OLFM2: variants seen among roughly 807,000 people sequenced by gnomAD.
The protein encoded by OLFM2 is olfactomedin 2.
OLFM2 carries 20 observed loss-of-function variants against 43.9 expected under a neutral mutation model. The observed-to-expected ratio is 0.46, with a 90% CI of 0.32 to 0.66. OLFM2 has a LOEUF of 0.66. Among genes scored for constraint, OLFM2 ranks in the 30% least tolerant of loss-of-function variants. The probability of loss-of-function intolerance (pLI) is 0.04; values close to 1 mark genes in which losing one functional copy is unlikely to be tolerated. For missense variants in OLFM2, 416 were observed against 643.6 expected (o/e 0.65, Z 3.83); for synonymous variants, 268 against 278.6 (o/e 0.96, Z 0.38).
At chr19:9,876,740 C>T (rs2046491958) in intron 1 of OLFM2, among the ~76,000 whole-genome samples, 1 of 152,122 alleles carries the variant, frequency 6.6e-6, no homozygotes, top group Admixed American at 6.6e-5. Flanking sequence ...TGCCTCCGTT[C>T]CCCCAGTTAG....
chr19:9,918,406 G>T (rs1381985401), intron 1 of OLFM2, among the ~76,000 whole-genome samples: 1 of 151,824 alleles, frequency 6.6e-6, no homozygotes, highest in Non-Finnish European at 1.5e-5. Context: ...TGCCCGGGCT[G>T]GTCTCAAACT....
Position 9,860,777 on chromosome 19 carries a change from T to C in OLFM2, c.81A>G (p.Pro27=), listed in dbSNP as rs1268533292. The change falls in exon 2 of 6, where the codon CCA becomes CCG. Residue 27 remains proline (P), a synonymous_variant. Coordinates refer to ENST00000264833, the MANE Select transcript of OLFM2 (RefSeq NM_058164.4). ...GLAGQTLFQN[P]EEGWQLYTSA... ...AGGTGTACAGCTGCCAGCCCTCTTCTGGGTTCTGGAAGAGAGTCTGCAAAG... is the reference window on the plus strand; with the variant it reads ...AGGTGTACAGCTGCCAGCCCTCTTCCGGGTTCTGGAAGAGAGTCTGCAAAG... The C allele has an allele frequency of 1.2e-6, 2 of 1,608,296 alleles. No individual in the cohort carries two copies. Among genetic ancestry groups the C allele is most frequent in the Admixed American group, 1.7e-5 (1 of 59,426 alleles).
intron 5 of OLFM2, among the ~76,000 whole-genome samples, chr19:9,855,764 G>A (rs2145428308): frequency 6.6e-6 from 1 of 151,604 alleles, no homozygotes; most frequent in East Asian, 2.0e-4. Context: ...TCAAACTCCT[G>A]AGCTCAAGTG....
At position 9,920,908 on chromosome 19, in the gene OLFM2, A is replaced by G. The variant is rs554424340; in HGVS notation, c.63+15396T>C. ...GGCAACAGAGTGAGACTCCATCTTG[A>G]AAAAAAAAAAAGTTTATTTCCCTTG... On this transcript the variant is annotated intron_variant, in intron 1 of 5. Coordinates refer to ENST00000264833, the MANE Select transcript of OLFM2 (RefSeq NM_058164.4). 1.2e-3 allele frequency among the ~76,000 whole-genome samples: 157 copies of G among 125,932 alleles called. 1 individual carries two copies. The highest frequency in any genetic ancestry group is 1.8e-3 in the Non-Finnish European group (117 of 64,372). 82.6% of individuals were successfully genotyped at this position (125,932 alleles called of 152,430 possible). A position where few individuals can be genotyped will look rare whatever the true frequency, so the allele number is the denominator to read the frequency against.
At chr19:9,892,636 AG>A (rs2046649013) in intron 1 of OLFM2, among the ~76,000 whole-genome samples, 1 of 152,074 alleles carries the variant, frequency 6.6e-6, no homozygotes, top group African/African-American at 2.4e-5. Flanking sequence ...ACTTGAGCCC[AG>A]GAGGCAGATG....
At chr19:9,897,476 C>T (rs950692283) in intron 1 of OLFM2, among the ~76,000 whole-genome samples, 11 of 151,872 alleles carry the variant, frequency 7.2e-5, no homozygotes, top group Non-Finnish European at 1.3e-4. Context: ...CCAGCCTGGA[C>T]GACAGAATGA....
At chr19:9,870,379 C>T (rs560688542) in intron 1 of OLFM2, among the ~76,000 whole-genome samples, 1 of 152,126 alleles carries the variant, frequency 6.6e-6, no homozygotes, top group Admixed American at 6.5e-5. Context: ...GAAAGTCCAA[C>T]GAGGGAGAGA....
chr19:9,916,013 T>C (rs2046873768), intron 1 of OLFM2, among the ~76,000 whole-genome samples: 1 of 152,190 alleles, frequency 6.6e-6, no homozygotes, highest in African/African-American at 2.4e-5. Context: ...TAAAATACTT[T>C]ACAAGTGTCT....
At chr19:9,864,840 A>G (rs1233729559) in intron 1 of OLFM2, among the ~76,000 whole-genome samples, 4 of 121,246 alleles carry the variant, frequency 3.3e-5, no homozygotes, top group African/African-American at 1.3e-4. Flanking sequence ...TTTGCTGCCC[A>G]GGCTGGTCTT....
intron 1 of OLFM2, among the ~76,000 whole-genome samples, chr19:9,926,970 G>A (rs1316588745): frequency 6.6e-6 from 1 of 151,894 alleles, no homozygotes; most frequent in Non-Finnish European, 1.5e-5. Flanking sequence ...GGGCAACAGA[G>A]CAAGACTCTA....
intron 1 of OLFM2, among the ~76,000 whole-genome samples, chr19:9,871,317 A>G (rs2145444545): frequency 6.6e-6 from 1 of 151,250 alleles, no homozygotes; most frequent in Middle Eastern, 3.4e-3. Flanking sequence ...TCACACCTGT[A>G]ACCCCAGCAC....
In OLFM2 at chr19:9,860,645, C is replaced by A; in HGVS notation, c.213G>T (p.Lys71Asn). ...CCCAGGGTACCTGGAAGGTTCTCAC[C>A]TTCTCCATCAGTTGCCGCAGCTCCC... ...RSRELRQLME[K>N]VQNVSQSMEV... Residue 71 changes from lysine (K) to asparagine (N), a missense_variant and splice_region_variant, in exon 2 of 6, where the codon AAG (lysine) becomes AAT (asparagine). Physicochemically the swap from Lys to Asn is moderately conservative, Grantham distance 94 (BLOSUM62 0). Coordinates refer to ENST00000264833, the MANE Select transcript of OLFM2 (RefSeq NM_058164.4). The A allele has an allele frequency of 6.3e-7, 1 of 1,581,488 alleles. No individual in the cohort carries two copies. The highest frequency in any genetic ancestry group is 1.8e-5 in the Admixed American group (1 of 55,450).
intron 1 of OLFM2, among the ~76,000 whole-genome samples, chr19:9,900,129 A>G (rs562168959): frequency 3.1e-4 from 47 of 152,180 alleles, no homozygotes; most frequent in Admixed American, 7.9e-4. Context: ...TAAAGCTCCT[A>G]CTTCCCTGGG....
chr19:9,865,485 C>CTTTTTTTTTT lies in OLFM2; in HGVS notation c.64-4701_64-4692dup, dbSNP rs71188847. 4.1e-4 allele frequency among the ~76,000 whole-genome samples: 30 copies of CTTTTTTTTTT among 73,634 alleles called. 2 individuals carry two copies. Among genetic ancestry groups the CTTTTTTTTTT allele is most frequent in the African/African-American group, 5.2e-4 (9 of 17,448 alleles). The allele number at this position is 73,634 out of a possible 152,430, so 48.3% of individuals were successfully genotyped here. On this transcript the variant is annotated intron_variant, in intron 1 of 5. Transcript: ENST00000264833. ...AGTCACTGTTACCTCTCTGTTTTTT[C>CTTTTTTTTTT]TTTTTTTTTTTTTTTTTTTTTTTTG...
intron 1 of OLFM2, among the ~76,000 whole-genome samples, chr19:9,874,352 G>C (rs575223942): frequency 8.3e-6 from 1 of 120,450 alleles, no homozygotes; most frequent in African/African-American, 3.0e-5. Context: ...TTTTAAGAGA[G>C]ATGGGGGTCT....
At chr19:9,912,099 C>T (rs1179924448) in intron 1 of OLFM2, among the ~76,000 whole-genome samples, 2 of 152,128 alleles carry the variant, frequency 1.3e-5, no homozygotes, top group African/African-American at 4.8e-5. Flanking sequence ...ACTTTCTCCA[C>T]TCCCATTCCC....
At chr19:9,916,911 T>C (rs1343755660) in intron 1 of OLFM2, among the ~76,000 whole-genome samples, 1 of 152,102 alleles carries the variant, frequency 6.6e-6, no homozygotes, top group African/African-American at 2.4e-5. Flanking sequence ...CTTTTTCCCT[T>C]GACTTCAGAG....
intron 1 of OLFM2, among the ~76,000 whole-genome samples, chr19:9,881,665 A>ATT (rs33945661): frequency 0.13 from 18,680 of 145,594 alleles, 1,361 homozygotes; most frequent in Middle Eastern, 0.2. Context: ...CTAATTTTTA[A>ATT]TTTTTTTTTT....
At chr19:9,885,025 C>T (rs531161341) in intron 1 of OLFM2, among the ~76,000 whole-genome samples, 12 of 152,280 alleles carry the variant, frequency 7.9e-5, no homozygotes, top group Middle Eastern at 3.4e-3. Context: ...GGTTTTGAAG[C>T]GGTCATGGAG....
Sources: allele counts gnomAD v4.1 joint callset (sites outside exome capture counted in the v4.1 genomes callset), GRCh38; gene constraint gnomAD v4.1.1; transcripts MANE v1.5; gene names NCBI Gene and HGNC (gene_info 2026-07-23, HGNC 2026-07-21).